The following AMT variants were observed in gnomAD, a reference collection of about 807,000 sequenced individuals.
AMT encodes aminomethyltransferase, mitochondrial.
Under a neutral mutation model 39.5 loss-of-function variants are expected in AMT, and 24 were observed. The ratio of observed to expected loss-of-function variants is 0.61; its 90% confidence interval spans 0.44 to 0.86. The LOEUF is 0.86. Ranked by LOEUF, AMT falls within the 40% of genes least tolerant of loss-of-function variation. AMT has a pLI of 0.00. For synonymous variants in AMT, 210 were observed against 212.1 expected, an observed-to-expected ratio of 0.99 and a Z score of 0.09; for missense variants, 501 against 537.0, an observed-to-expected ratio of 0.93 and a Z score of 0.66.
chr3:49,416,928 A>G lies in AMT; in HGVS notation c.*612T>C. On this transcript the variant is annotated 3_prime_UTR_variant, in exon 9 of 9. Transcript: ENST00000273588. ...GCCCTGGAACTCAGAATAGGTGGTG[A>G]GTCTGCCATGGTTTGCTACTGGGCA... 1 of 462,158 alleles carries G rather than the reference A, an allele frequency of 2.2e-6. No homozygotes were observed. Among genetic ancestry groups the G allele is most frequent in the Non-Finnish European group, 4.3e-6 (1 of 232,536 alleles). The allele number at this position is 462,158 out of a possible 1,614,324, so 28.6% of individuals were successfully genotyped here.
chr3:49,417,452 C>T lies in AMT; in HGVS notation c.*88G>A. 1.2e-6 allele frequency: 2 copies of T among 1,613,700 alleles called. No homozygotes were observed. The highest frequency in any genetic ancestry group is 2.2e-5 in the East Asian group (1 of 44,884). ...AGAATCAGCCTCCACCTTAACTGCC[C>T]ACCCCCAGTGAGTTCTGCCTCAGCT... On this transcript the variant is annotated 3_prime_UTR_variant, in exon 9 of 9. Transcript: ENST00000273588.
At chr3:49,421,706 T>A in intron 2 of AMT, 134 bp from the exon 3 acceptor site, 1 of 823,820 alleles carries the variant, frequency 1.2e-6, no homozygotes. Context: ...CTTTTGGTTC[T>A]ACACGTGGCA....
intron 2 of AMT, 106 bp from the exon 3 acceptor site, chr3:49,421,678 C>G (rs1171570251): frequency 9.7e-7 from 1 of 1,025,972 alleles, no homozygotes; most frequent in East Asian, 2.4e-5. Context: ...TCCAGCCCAC[C>G]CAAAGTGACT....
intron 5 of AMT, 121 bp downstream of exon 5, chr3:49,419,589 A>T: frequency 6.9e-7 from 1 of 1,444,990 alleles, no homozygotes; most frequent in East Asian, 2.3e-5. Flanking sequence ...TACAAAACTT[A>T]AAATTATGGC....
chr3:49,419,545 A>G (rs1030529954), intron 5 of AMT, 140 bp from the exon 6 acceptor site: 9 of 1,488,546 alleles, frequency 6.0e-6, no homozygotes, highest in Non-Finnish European at 5.6e-6. Context: ...TCCCTAGCCC[A>G]TGGAGCCTTG....
At chr3:49,421,689 A>G (rs919609458) in intron 2 of AMT, 117 bp from the exon 3 acceptor site, 1 of 915,728 alleles carries the variant, frequency 1.1e-6, no homozygotes, top group Non-Finnish European at 1.8e-6. Flanking sequence ...CAAAGTGACT[A>G]ACCAGTCTTT....
At chr3:49,418,668 A>ATT (rs35024166) in intron 7 of AMT, 728 of 311,626 alleles carry the variant, frequency 2.3e-3, no homozygotes, top group Middle Eastern at 5.6e-3. Flanking sequence ...TGCCCAGCTA[A>ATT]TTTTTTTTTT....
chr3:49,421,748 C>T, intron 2 of AMT, 176 bp from the exon 3 acceptor site: 3 of 703,072 alleles, frequency 4.3e-6, no homozygotes. Flanking sequence ...TGACCTCCCC[C>T]AGTCACTCTG....
At chr3:49,420,607 C>A in intron 3 of AMT, 1 of 479,756 alleles carries the variant, frequency 2.1e-6, no homozygotes, top group Non-Finnish European at 3.8e-6. Context: ...TACTGAGAGT[C>A]CCATCTGACA....
At chr3:49,422,035 C>G in intron 2 of AMT, 69 bp downstream of exon 2, 8 of 1,605,676 alleles carry the variant, frequency 5.0e-6, no homozygotes, top group Non-Finnish European at 6.8e-6. Context: ...GCAAACAAAG[C>G]CAAGGAGTGG....
Position 49,417,131 on chromosome 3 carries a change from C to G in AMT, c.*409G>C. On this transcript the variant is annotated 3_prime_UTR_variant, in exon 9 of 9. Coordinates refer to ENST00000273588, the MANE Select transcript of AMT (RefSeq NM_000481.4). ...AGGGGGTAGCCTAAGTCCGCACTGC[C>G]CATGTTATTACCCTTTGCAATGTGA... 1.2e-6 allele frequency: 1 copy of G among 834,584 alleles called. No individual in the cohort carries two copies. Among genetic ancestry groups the G allele is most frequent in the Non-Finnish European group, 2.0e-6 (1 of 508,504 alleles). The allele number at this position is 834,584 out of a possible 1,614,324, so 51.7% of individuals were successfully genotyped here.
intron 2 of AMT, 93 bp downstream of exon 2, chr3:49,422,011 G>T (rs2049111593): frequency 6.4e-7 from 1 of 1,569,692 alleles, no homozygotes; most frequent in Non-Finnish European, 8.7e-7. Flanking sequence ...GCTGTCCTTG[G>T]AATCCAGTTC....
chr3:49,421,002 C>A (rs1056862799), intron 3 of AMT: 5 of 253,496 alleles, frequency 2.0e-5, no homozygotes, highest in Middle Eastern at 1.5e-3. Context: ...AGTGGTGCAA[C>A]CTCAGCTTGC....
At position 49,420,221 on chromosome 3, in the gene AMT, G is replaced by A. The variant is rs1371083701; in HGVS notation, c.461C>T (p.Ala154Val). Reference sequence around the variant, plus strand: ...ACAGAGGGGGTATACCTGCATGAGGGCCAAATCTTTCTCCCAGCAGCCAGC... The same window carrying A: ...ACAGAGGGGGTATACCTGCATGAGGACCAAATCTTTCTCCCAGCAGCCAGC... Reference protein sequence around the residue: ...SNAGCWEKDLALMQDKVRELQ... With the variant: ...SNAGCWEKDLVLMQDKVRELQ... The change falls in exon 4 of 9, where the codon GCC becomes GTC. Residue 154 changes from alanine (A) to valine (V), a missense_variant. By Grantham distance (64) the Ala-to-Val change is moderately conservative. Transcript: ENST00000273588. 2 of 1,614,106 alleles carry A rather than the reference G, an allele frequency of 1.2e-6. No homozygotes were observed. The highest frequency in any genetic ancestry group is 1.7e-5 in the Admixed American group (1 of 60,020).
Position 49,417,271 on chromosome 3 carries a change from A to G in AMT, c.*269T>C. The G allele has an allele frequency of 6.3e-7, 1 of 1,596,760 alleles. No individual in the cohort carries two copies. Among genetic ancestry groups the G allele is most frequent in the Non-Finnish European group, 8.5e-7 (1 of 1,177,354 alleles). On this transcript the variant is annotated 3_prime_UTR_variant, in exon 9 of 9. Coordinates refer to ENST00000273588, the MANE Select transcript of AMT (RefSeq NM_000481.4). ...GATGGCAGAACCAAAGCTTCTCATT[A>G]CCCTCCAGCAGGCAAGAGTAGGTCA...
chr3:49,418,873 C>T, intron 7 of AMT, 98 bp downstream of exon 7: 4 of 1,354,348 alleles, frequency 3.0e-6, no homozygotes, highest in Non-Finnish European at 4.2e-6. Context: ...AGGAAGGCTT[C>T]AGGCTACATA....
At chr3:49,420,146 GGAC>G in intron 4 of AMT, 62 bp downstream of exon 4, 1 of 1,605,402 alleles carries the variant, frequency 6.2e-7, no homozygotes, top group Non-Finnish European at 8.5e-7. Context: ...ACCCTGTCTT[GGAC>G]AACAAGGATA....
rs987908861 is a variant in AMT, at chr3:49,420,435, A to G, written c.340-93T>C. On this transcript the variant is annotated intron_variant, in intron 3 of 8. Transcript: ENST00000273588. The stretch of plus-strand genomic sequence containing the variant: ...AACCCTGGACCCACTTAGTTACCAA[A>G]AGGTTATGAACCCTAATGTGAAGGA... 2.1e-5 allele frequency: 33 copies of G among 1,589,994 alleles called. No individual in the cohort carries two copies. In the African/African-American group the frequency reaches 4.2e-4, roughly 20 times the overall value.
chr3:49,422,405 G>A lies in AMT; in HGVS notation c.46C>T (p.Gln16Ter), dbSNP rs2049124862. Residue 16 changes from glutamine (Q) to a stop codon, truncating the protein, a stop_gained, in exon 1 of 9, where the codon CAG (glutamine) becomes TAG (stop). Coordinates refer to ENST00000273588, the MANE Select transcript of AMT (RefSeq NM_000481.4). LOFTEE classifies it high-confidence loss of function. ...CGACACAAGGCCGGGGGGAATGCCT[G>A]CAGGCGAAAGCCCAGACGGGCCACC... ...SVVARLGFRLQAFPPALCRPL... is the reference protein window; with the variant it reads ...SVVARLGFRL 3.7e-6 allele frequency: 6 copies of A among 1,613,504 alleles called. No individual in the cohort carries two copies. The Admixed American group carries it at 6.7e-5, about 18-fold the overall frequency.
Sources: gnomAD v4.1 joint callset for allele counts on GRCh38, gnomAD v4.1.1 for gene constraint, MANE v1.5 for transcripts, NCBI Gene and HGNC (gene_info 2026-07-23, HGNC 2026-07-21) for gene names.